Variants in MAGI1 observed in about 807,000 individuals in gnomAD.
MAGI1 encodes the protein membrane-associated guanylate kinase, WW and PDZ domain-containing protein 1.
In MAGI1, 58 loss-of-function variants were observed where a neutral mutation model predicts 139.9. That is an observed-to-expected ratio of 0.41 (90% confidence interval 0.34 to 0.52). MAGI1 has a LOEUF of 0.52. Ranked by LOEUF, MAGI1 falls within the 20% of genes least tolerant of loss-of-function variation. The probability of loss-of-function intolerance (pLI) is 0.12; values close to 1 mark genes in which losing one functional copy is unlikely to be tolerated. For synonymous variants in MAGI1, 812 were observed against 737.9 expected, an observed-to-expected ratio of 1.10 and a Z score of -1.63; for missense variants, 1,874 against 1,901.6, an observed-to-expected ratio of 0.99 and a Z score of 0.27.
chr3:65,631,421 G>C (rs2084295414), intron 1 of MAGI1, among the ~76,000 whole-genome samples: 1 of 152,120 alleles, frequency 6.6e-6, no homozygotes, highest in Non-Finnish European at 1.5e-5. Context: ...ATAGTTTTAA[G>C]GGCTACGTAG....
At chr3:65,765,339 T>C (rs528209831) in intron 1 of MAGI1, among the ~76,000 whole-genome samples, 1 of 152,284 alleles carries the variant, frequency 6.6e-6, no homozygotes, top group African/African-American at 2.4e-5. Flanking sequence ...CACTTTTTTA[T>C]TTGAGGTAAG....
At chr3:65,634,609 T>C (rs1157771490) in intron 1 of MAGI1, among the ~76,000 whole-genome samples, 1 of 152,216 alleles carries the variant, frequency 6.6e-6, no homozygotes, top group Non-Finnish European at 1.5e-5. Context: ...GCTGTGCAGC[T>C]TCATGAGATC....
intron 2 of MAGI1, chr3:65,619,984 AAGAC>A (rs1316407619): frequency 1.0e-6 from 1 of 985,296 alleles, no homozygotes; most frequent in Non-Finnish European, 1.2e-6. Context: ...CTGTTTTTAA[AAGAC>A]AGAGTTCGTT....
chr3:65,996,551 G>T (rs980340912), intron 1 of MAGI1, among the ~76,000 whole-genome samples: 4 of 151,338 alleles, frequency 2.6e-5, no homozygotes, highest in South Asian at 2.1e-4. Context: ...GGGGGGGGGG[G>T]GGGAAGCGAG....
At chr3:65,656,886 T>C (rs2085904781) in intron 1 of MAGI1, among the ~76,000 whole-genome samples, 1 of 144,350 alleles carries the variant, frequency 6.9e-6, no homozygotes. Flanking sequence ...TAATCCCAGC[T>C]ACTCGGGAGG....
intron 1 of MAGI1, among the ~76,000 whole-genome samples, chr3:65,863,978 A>G (rs778881122): frequency 2.0e-5 from 3 of 152,158 alleles, no homozygotes; most frequent in Non-Finnish European, 4.4e-5. Flanking sequence ...TAATTAATTG[A>G]TTATTGTCTT....
intron 1 of MAGI1, among the ~76,000 whole-genome samples, chr3:65,849,355 C>A (rs1402376930): frequency 1.3e-5 from 2 of 151,652 alleles, no homozygotes; most frequent in African/African-American, 2.4e-5. Context: ...TGCACAAACA[C>A]CAGCAATGTT....
intron 1 of MAGI1, among the ~76,000 whole-genome samples, chr3:65,681,476 A>G (rs948009565): frequency 6.6e-6 from 1 of 152,256 alleles, no homozygotes; most frequent in Non-Finnish European, 1.5e-5. Flanking sequence ...AACATTTTTA[A>G]GAAAAAAGCA....
intron 4 of MAGI1, among the ~76,000 whole-genome samples, chr3:65,471,650 C>T (rs1489821744): frequency 2.0e-5 from 3 of 152,182 alleles, no homozygotes; most frequent in African/African-American, 4.8e-5. Flanking sequence ...TGCCCCTCCC[C>T]ACTCCAGGTC....
intron 1 of MAGI1, among the ~76,000 whole-genome samples, chr3:65,934,043 C>T (rs987463904): frequency 1.3e-5 from 2 of 152,110 alleles, no homozygotes; most frequent in African/African-American, 4.8e-5. Context: ...AGGAGAATCA[C>T]TTGAACTGCG....
chr3:65,605,280 G>A (rs1207980648), intron 2 of MAGI1, among the ~76,000 whole-genome samples: 1 of 152,078 alleles, frequency 6.6e-6, no homozygotes, highest in Non-Finnish European at 1.5e-5. Context: ...ACTCTTGCTG[G>A]CTTCAGAACA....
intron 10 of MAGI1, among the ~76,000 whole-genome samples, chr3:65,435,466 A>AAG (rs1947773907): frequency 9.7e-6 from 1 of 102,910 alleles, no homozygotes; most frequent in South Asian, 4.1e-4. Flanking sequence ...CTATATGTAT[A>AAG]TGTGGATGGA....
chr3:65,938,873 G>A (rs973580328), intron 1 of MAGI1, among the ~76,000 whole-genome samples: 7 of 152,170 alleles, frequency 4.6e-5, no homozygotes, highest in Non-Finnish European at 1.0e-4. Context: ...GAACTGGTGG[G>A]TGTCTTTGTA....
chr3:65,820,437 G>T (rs985941818), intron 1 of MAGI1, among the ~76,000 whole-genome samples: 7 of 152,138 alleles, frequency 4.6e-5, no homozygotes, highest in African/African-American at 1.7e-4. Flanking sequence ...GGGGCTGATG[G>T]ATACAAGGGG....
At chr3:65,636,570 T>A (rs1024213291) in intron 1 of MAGI1, among the ~76,000 whole-genome samples, 1 of 152,128 alleles carries the variant, frequency 6.6e-6, no homozygotes, top group African/African-American at 2.4e-5. Flanking sequence ...CATCCTGGTT[T>A]CCCCTCTGAC....
intron 1 of MAGI1, among the ~76,000 whole-genome samples, chr3:65,635,228 C>A (rs905591661): frequency 5.7e-4 from 87 of 152,170 alleles, no homozygotes; most frequent in African/African-American, 1.9e-3. Flanking sequence ...CCACATCCAG[C>A]TAATTTTTGT....
Position 65,449,992 on chromosome 3 carries a change from C to T in MAGI1, c.1043-1935G>A, listed in dbSNP as rs192263031. Among the ~76,000 whole-genome samples the T allele has an allele frequency of 1.8e-4, 28 of 152,182 alleles. No homozygotes were observed. The East Asian group carries it at 3.3e-3, about 18-fold the overall frequency. On this transcript the variant is annotated intron_variant, in intron 6 of 22. Transcript: ENST00000402939. ...TGTCTGTTGTATTCATTGACACATTCGAATACCTAGGATGCACGTGACATA... is the reference window on the plus strand; with the variant it reads ...TGTCTGTTGTATTCATTGACACATTTGAATACCTAGGATGCACGTGACATA...
intron 1 of MAGI1, among the ~76,000 whole-genome samples, chr3:65,943,550 G>A (rs527883148): frequency 6.6e-6 from 1 of 151,396 alleles, no homozygotes; most frequent in South Asian, 2.1e-4. Context: ...TCCAGCCCAG[G>A]TGACAGTGCG....
chr3:65,934,355 C>A (rs543125470), intron 1 of MAGI1, among the ~76,000 whole-genome samples: 1 of 151,416 alleles, frequency 6.6e-6, no homozygotes, highest in South Asian at 2.1e-4. Context: ...TCTCAGCCTC[C>A]CAAAATGGTA....
Sources: allele counts gnomAD v4.1 joint callset (sites outside exome capture counted in the v4.1 genomes callset), GRCh38; gene constraint gnomAD v4.1.1; transcripts MANE v1.5; gene names NCBI Gene and HGNC (gene_info 2026-07-23, HGNC 2026-07-21).